Variants in RMC1 observed in about 807,000 individuals in gnomAD.
RMC1 encodes regulator of MON1-CCZ1 complex.
Under a neutral mutation model 95.5 loss-of-function variants are expected in RMC1, and 44 were observed. The ratio of observed to expected loss-of-function variants is 0.46; its 90% CI spans 0.36 to 0.59. The LOEUF (loss-of-function observed/expected upper bound fraction) is 0.59, where lower values mean the gene tolerates loss of function less well. RMC1 is among the 20% of genes least tolerant of loss of function. The pLI, the probability that RMC1 is intolerant of heterozygous loss-of-function variation, is 0.00. For missense variants in RMC1, 705 were observed against 819.6 expected (o/e 0.86, Z 1.71); for synonymous variants, 320 against 303.6 (o/e 1.05, Z -0.56).
intron 5 of RMC1, among the ~76,000 whole-genome samples, chr18:23,514,845 C>T (rs755294273): frequency 6.6e-6 from 1 of 152,164 alleles, no homozygotes; most frequent in African/African-American, 2.4e-5. Context: ...AAGCTTACGG[C>T]TCCTGCCCCT....
chr18:23,507,602 A>G (rs1471207936), intron 3 of RMC1, among the ~76,000 whole-genome samples: 1 of 152,174 alleles, frequency 6.6e-6, no homozygotes, highest in Non-Finnish European at 1.5e-5. Context: ...TGTAGAGTAG[A>G]GGGAAGGCTG....
At chr18:23,513,453 A>G (rs1177857343) in intron 5 of RMC1, among the ~76,000 whole-genome samples, 1 of 152,218 alleles carries the variant, frequency 6.6e-6, no homozygotes, top group African/African-American at 2.4e-5. Context: ...GTTGAGGGAC[A>G]TTTGGGTTGC....
intron 1 of RMC1, 98 bp downstream of exon 1, chr18:23,503,818 G>A: frequency 1.0e-6 from 1 of 987,708 alleles, no homozygotes; most frequent in Non-Finnish European, 1.4e-6. Context: ...GTCCCCTCCT[G>A]TCCTGTCCCG....
intron 10 of RMC1, among the ~76,000 whole-genome samples, chr18:23,522,143 C>T (rs1312795291): frequency 1.3e-5 from 2 of 152,204 alleles, no homozygotes; most frequent in Non-Finnish European, 2.9e-5. Context: ...GCTGGACCAG[C>T]CAAAAGCTTA....
intron 1 of RMC1, 33 bp downstream of exon 1, chr18:23,503,753 G>T: frequency 6.4e-7 from 1 of 1,571,338 alleles, no homozygotes; most frequent in Non-Finnish European, 8.6e-7. Flanking sequence ...CCCCCGCGCG[G>T]CCCTGCCGGG....
intron 2 of RMC1, among the ~76,000 whole-genome samples, chr18:23,505,348 C>T (rs1375908688): frequency 2.0e-5 from 3 of 152,146 alleles, no homozygotes; most frequent in Non-Finnish European, 4.4e-5. Context: ...AGGCATGAGC[C>T]GCTGCACCCG....
chr18:23,520,347 C>A, intron 10 of RMC1, 34 bp downstream of exon 10: 1 of 1,521,182 alleles, frequency 6.6e-7, no homozygotes, highest in Non-Finnish European at 9.1e-7. Flanking sequence ...TCTGTGCTGC[C>A]CTTTCACCAT....
At chr18:23,525,895 C>G (rs545801384) in intron 12 of RMC1, among the ~76,000 whole-genome samples, 158 of 152,328 alleles carry the variant, frequency 1.0e-3, no homozygotes, top group African/African-American at 3.7e-3. Flanking sequence ...AGCCCTGATG[C>G]TGTAGGCATC....
At chr18:23,516,267 A>G (rs2058002447) in intron 6 of RMC1, 53 bp from the exon 7 acceptor site, 1 of 1,576,430 alleles carries the variant, frequency 6.3e-7, no homozygotes, top group South Asian at 1.1e-5. Flanking sequence ...GGGAATGATG[A>G]AACATTGAAG....
intron 5 of RMC1, chr18:23,509,546 T>C (rs1162160481): frequency 5.5e-6 from 1 of 182,736 alleles, no homozygotes. Flanking sequence ...ATTTTTCTTT[T>C]TATTATTTTA....
At chr18:23,509,404 C>T (rs2057790871) in intron 5 of RMC1, 125 bp downstream of exon 5, 1 of 339,886 alleles carries the variant, frequency 2.9e-6, no homozygotes, top group Non-Finnish European at 5.2e-6. Flanking sequence ...GAGTCTTGCT[C>T]TGTTGCCCAG....
At chr18:23,526,454 C>T (rs2058300547) in intron 12 of RMC1, among the ~76,000 whole-genome samples, 183 bp from the exon 13 acceptor site, 1 of 152,126 alleles carries the variant, frequency 6.6e-6, no homozygotes, top group Admixed American at 6.6e-5. Context: ...GGTAGACACG[C>T]TCCTGAATTG....
intron 13 of RMC1, among the ~76,000 whole-genome samples, chr18:23,527,223 C>CAAAAAAAAA (rs386387173): frequency 2.3e-5 from 1 of 43,670 alleles, no homozygotes; most frequent in African/African-American, 6.5e-5. Context: ...CCTGTCTCTA[C>CAAAAAAAAA]AAAAAAAAAA....
intron 7 of RMC1, among the ~76,000 whole-genome samples, chr18:23,516,727 CTTTT>C (rs35162212): frequency 1.4e-5 from 1 of 73,970 alleles, no homozygotes; most frequent in East Asian, 6.8e-4. Flanking sequence ...ATTTCTTCTT[CTTTT>C]TTTTTTTTTT....
intron 7 of RMC1, among the ~76,000 whole-genome samples, chr18:23,516,784 G>A (rs998473673): frequency 6.7e-6 from 1 of 148,876 alleles, no homozygotes; most frequent in African/African-American, 2.5e-5. Flanking sequence ...GGAGTGCAGT[G>A]GTGCAGTGTC....
chr18:23,506,901 G>C, intron 2 of RMC1, 69 bp from the exon 3 acceptor site: 1 of 1,078,430 alleles, frequency 9.3e-7, no homozygotes, highest in Non-Finnish European at 1.4e-6. Context: ...TGTGTCTTTT[G>C]CCTTTTCAAT....
chr18:23,522,989 G>A (rs2058184432), intron 10 of RMC1: 1 of 152,286 alleles, frequency 6.6e-6, no homozygotes, highest in Non-Finnish European at 1.5e-5. Flanking sequence ...AGAACAGTGG[G>A]TCTCAATCTG....
rs1335337976 is a variant in RMC1, at chr18:23,530,721, A to AATT, written c.1894+110_1894+112dup. On this transcript the variant is annotated intron_variant, in intron 19 of 19. Transcript: ENST00000269221. Reference sequence around the variant, plus strand: ...GGGTTAGCATTTTTGTAAACAACACAATTTGATAACAGCCCACCTAGCCCT... The same window carrying AATT: ...GGGTTAGCATTTTTGTAAACAACACAATTATTTGATAACAGCCCACCTAGCCCT... 11 of 1,022,858 alleles carry AATT rather than the reference A, an allele frequency of 1.1e-5. No individual in the cohort carries two copies. The Admixed American group carries it at 1.8e-4, about 17-fold the overall frequency. The allele number at this position is 1,022,858 out of a possible 1,614,324, so 63.4% of individuals were successfully genotyped here.
At chr18:23,510,185 A>G (rs2145149775) in intron 5 of RMC1, among the ~76,000 whole-genome samples, 1 of 151,868 alleles carries the variant, frequency 6.6e-6, no homozygotes, top group Non-Finnish European at 1.5e-5. Flanking sequence ...TTAGTCAGGC[A>G]TGGTGGTGTG....
Sources: gnomAD v4.1 joint callset for allele counts (sites outside exome capture counted in the v4.1 genomes callset) on GRCh38, gnomAD v4.1.1 for gene constraint, MANE v1.5 for transcripts, NCBI Gene and HGNC (gene_info 2026-07-23, HGNC 2026-07-21) for gene names.